SIPA1L3: variants seen among roughly 807,000 people sequenced by gnomAD.
SIPA1L3 encodes the protein signal-induced proliferation-associated 1-like protein 3.
In SIPA1L3, 59 loss-of-function variants were observed where a neutral mutation model predicts 150.1. The observed-to-expected ratio is 0.39, with a 90% CI of 0.32 to 0.49. The LOEUF is 0.49. SIPA1L3 is among the 20% of genes least tolerant of loss of function. The pLI is 0.86. For synonymous variants in SIPA1L3, 1,070 were observed against 1,077.6 expected, an observed-to-expected ratio of 0.99 and a Z score of 0.14; for missense variants, 2,211 against 2,489.5, an observed-to-expected ratio of 0.89 and a Z score of 2.38.
At chr19:38,188,143 T>A (rs1158248967) in intron 16 of SIPA1L3, among the ~76,000 whole-genome samples, 1 of 152,120 alleles carries the variant, frequency 6.6e-6, no homozygotes, top group Non-Finnish European at 1.5e-5. Context: ...ACTTCACTTC[T>A]AACTCAATTA....
intron 1 of SIPA1L3, among the ~76,000 whole-genome samples, chr19:37,932,972 C>T (rs2046569205): frequency 1.3e-5 from 2 of 152,128 alleles, no homozygotes; most frequent in Non-Finnish European, 1.5e-5. Context: ...GGGCTGGGGG[C>T]GATCCCAGCC....
At chr19:38,086,399 G>A (rs189295292) in intron 3 of SIPA1L3, among the ~76,000 whole-genome samples, 6 of 152,126 alleles carry the variant, frequency 3.9e-5, no homozygotes, top group Admixed American at 1.3e-4. Context: ...AGAAAAAAAC[G>A]TTCTGGCCAA....
intron 1 of SIPA1L3, among the ~76,000 whole-genome samples, chr19:38,028,324 T>G (rs1968562014): frequency 6.6e-6 from 1 of 152,178 alleles, no homozygotes; most frequent in Non-Finnish European, 1.5e-5. Context: ...CTGCCACCGC[T>G]TGCCCCTCAC....
At chr19:37,982,485 G>C (rs1029093400) in intron 1 of SIPA1L3, among the ~76,000 whole-genome samples, 1 of 152,208 alleles carries the variant, frequency 6.6e-6, no homozygotes, top group Admixed American at 6.5e-5. Flanking sequence ...TTACTTGAGT[G>C]AACTCATGTA....
Position 38,119,380 on chromosome 19 carries a change from C to A in SIPA1L3, c.2366C>A (p.Ser789Tyr). ...PIPSGTTFRK[S>Y]DVFRDFLLAK... ...CCCAGTGGAACCACATTCCGCAAAT[C>A]CGACGTCTTCAGAGACTTCTTGCTG... Residue 789 changes from serine to tyrosine, a missense_variant, in exon 9 of 22, where the codon TCC (serine) becomes TAC (tyrosine). Transcript: ENST00000222345. 4.3e-6 allele frequency: 7 copies of A among 1,614,184 alleles called. No homozygotes were observed. The highest frequency in any genetic ancestry group is 5.1e-6 in the Non-Finnish European group (6 of 1,180,032).
In SIPA1L3 at chr19:37,991,341, C is replaced by T. The variant is rs761998774; in HGVS notation, c.-378-37748C>T. On this transcript the variant is annotated intron_variant, in intron 1 of 21. Coordinates refer to ENST00000222345, the MANE Select transcript of SIPA1L3 (RefSeq NM_015073.3). ...TGGCTTCCAATTCCATGCTCTTAAG[C>T]GCTCTGTGGACGTATCAGATGGCTG... is the stretch of plus-strand genomic sequence containing the variant. Among the ~76,000 whole-genome samples the T allele has an allele frequency of 3.3e-5, 5 of 152,344 alleles. No homozygotes were observed. In the East Asian group the frequency reaches 5.8e-4, roughly 18 times the overall value.
intron 4 of SIPA1L3, among the ~76,000 whole-genome samples, chr19:38,094,320 C>A (rs562092356): frequency 6.6e-6 from 1 of 152,274 alleles, no homozygotes; most frequent in African/African-American, 2.4e-5. Context: ...GCAGTCATAG[C>A]TCACTGCAGC....
At chr19:38,130,336 G>A (rs946950721) in intron 9 of SIPA1L3, among the ~76,000 whole-genome samples, 162 bp from the exon 10 acceptor site, 2 of 152,224 alleles carry the variant, frequency 1.3e-5, no homozygotes, top group African/African-American at 2.4e-5. Flanking sequence ...GGCTGGGACC[G>A]GGTGCGTGTT....
chr19:38,019,616 A>G (rs833935), intron 1 of SIPA1L3, among the ~76,000 whole-genome samples: 45,553 of 152,004 alleles, frequency 0.3, 8,176 homozygotes, highest in African/African-American at 0.51. Context: ...TTTCCTGCCC[A>G]CAGTACCCAG....
intron 3 of SIPA1L3, among the ~76,000 whole-genome samples, chr19:38,083,983 ACT>A (rs1340051217): frequency 1.4e-5 from 2 of 141,440 alleles, no homozygotes; most frequent in Non-Finnish European, 3.0e-5. Context: ...ACAGAGTGAG[ACT>A]CTGTCTCAAA....
At chr19:37,952,818 TA>T (rs1453977259) in intron 1 of SIPA1L3, among the ~76,000 whole-genome samples, 1 of 152,276 alleles carries the variant, frequency 6.6e-6, no homozygotes, top group Non-Finnish European at 1.5e-5. Flanking sequence ...GGGAACTTGT[TA>T]AAATACAGCA....
chr19:38,198,541 CT>C lies in SIPA1L3; in HGVS notation c.4984+11del. ...AGCCAAGGCATACGAAGGTAGGCGC[CT>C]TCCACCCAGTCCCGCCAGGCCCCCA... is the stretch of plus-strand genomic sequence containing the variant. On this transcript the variant is annotated intron_variant, in intron 19 of 21. Coordinates refer to ENST00000222345, the MANE Select transcript of SIPA1L3 (RefSeq NM_015073.3). 6.5e-7 allele frequency: 1 copy of C among 1,529,036 alleles called. No individual in the cohort carries two copies. The highest frequency in any genetic ancestry group is 8.8e-7 in the Non-Finnish European group (1 of 1,139,918). 94.7% of individuals were successfully genotyped at this position (1,529,036 alleles called of 1,614,324 possible).
At chr19:37,976,853 G>C (rs1437180493) in intron 1 of SIPA1L3, among the ~76,000 whole-genome samples, 2 of 151,782 alleles carry the variant, frequency 1.3e-5, no homozygotes, top group Non-Finnish European at 2.9e-5. Flanking sequence ...TTATTTTTTT[G>C]AGATGGGGTC....
intron 1 of SIPA1L3, among the ~76,000 whole-genome samples, chr19:37,985,394 G>A (rs1476667264): frequency 6.6e-6 from 1 of 152,032 alleles, no homozygotes; most frequent in Non-Finnish European, 1.5e-5. Flanking sequence ...CAAGTGTGAT[G>A]GCACATGCCT....
In SIPA1L3 at chr19:38,183,604, G is replaced by A. The variant is rs150150387; in HGVS notation, c.4430+864G>A. On this transcript the variant is annotated intron_variant, in intron 16 of 21. Transcript: ENST00000222345. The stretch of plus-strand genomic sequence containing the variant: ...AGACATCCAGACGGAGGCGTGAGGG[G>A]GGCCCTTGAGTAAGGAATCCCGAAT... Among the ~76,000 whole-genome samples, 145 of 152,306 alleles carry A rather than the reference G, an allele frequency of 9.5e-4. 1 individual carries two copies. Among genetic ancestry groups the A allele is most frequent in the African/African-American group, 3.3e-3 (136 of 41,576 alleles).
chr19:37,932,445 G>T (rs957642996), intron 1 of SIPA1L3: 6 of 123,622 alleles, frequency 4.9e-5, no homozygotes, highest in Non-Finnish European at 7.7e-5. Context: ...GGGGAACTCC[G>T]GTGGCTGGCT....
chr19:38,125,926 C>A (rs1300495422), intron 9 of SIPA1L3, among the ~76,000 whole-genome samples: 1 of 152,220 alleles, frequency 6.6e-6, no homozygotes, highest in Non-Finnish European at 1.5e-5. Flanking sequence ...GTAATCCCAG[C>A]ACTTTGGAAG....
intron 10 of SIPA1L3, among the ~76,000 whole-genome samples, chr19:38,132,562 C>T (rs1444573108): frequency 2.7e-5 from 3 of 109,528 alleles, no homozygotes; most frequent in Admixed American, 1.1e-4. Flanking sequence ...CCAGCCTGGG[C>T]AACAAGAATG....
intron 1 of SIPA1L3, among the ~76,000 whole-genome samples, chr19:37,963,471 G>A (rs2046877280): frequency 6.6e-6 from 1 of 152,198 alleles, no homozygotes; most frequent in Non-Finnish European, 1.5e-5. Context: ...CTGTGATGTT[G>A]GTCTTCCCCA....
Sources: allele counts gnomAD v4.1 joint callset (sites outside exome capture counted in the v4.1 genomes callset), GRCh38; gene constraint gnomAD v4.1.1; transcripts MANE v1.5; gene names NCBI Gene and HGNC (gene_info 2026-07-23, HGNC 2026-07-21).